Variants in GAB2 observed in about 807,000 individuals in gnomAD.
GAB2 encodes GRB2 associated binding protein 2.
A neutral mutation model predicts 65.5 loss-of-function variants in GAB2; 26 were observed. That is an observed-to-expected ratio of 0.40 (90% CI 0.29 to 0.55). GAB2 has a LOEUF of 0.55. Ranked by LOEUF, GAB2 falls within the 20% of genes least tolerant of loss-of-function variation. The pLI is 0.53. For missense variants in GAB2, 884 were observed against 875.8 expected, an observed-to-expected ratio of 1.01 and a Z score of -0.12; for synonymous variants, 321 against 329.6, an observed-to-expected ratio of 0.97 and a Z score of 0.28.
Position 78,242,375 on chromosome 11 carries a change from A to G in GAB2, c.620+7782T>C, listed in dbSNP as rs188708368. ...AAATTAGCTGGGTGTGGTGGCGGGC[A>G]CCTGTAGTCCCAGCTACACAGGAGG... On this transcript the variant is annotated intron_variant, in intron 3 of 9. Transcript: ENST00000361507. Among the ~76,000 whole-genome samples, 125 of 152,100 alleles carry G rather than the reference A, an allele frequency of 8.2e-4. 2 individuals are homozygous for G. The highest frequency in any genetic ancestry group is 1.5e-3 in the South Asian group (7 of 4,820).
At chr11:78,365,078 T>G (rs1378870828) in intron 1 of GAB2, among the ~76,000 whole-genome samples, 3 of 152,192 alleles carry the variant, frequency 2.0e-5, no homozygotes, top group African/African-American at 7.2e-5. Flanking sequence ...TTAGTGTACC[T>G]GTCACCCCAA....
chr11:78,249,498 T>C (rs564661866), intron 3 of GAB2, among the ~76,000 whole-genome samples: 6 of 152,354 alleles, frequency 3.9e-5, no homozygotes, highest in South Asian at 4.1e-4. Flanking sequence ...CATTTACAGG[T>C]TCTGCACCTG....
In GAB2 at chr11:78,220,410, C is replaced by G. The variant is rs114040408; in HGVS notation, c.1796G>C (p.Gly599Ala). The change falls in exon 9 of 10, where the codon GGC becomes GCC. Residue 599 changes from glycine (G) to alanine (A), a missense_variant. By Grantham distance (60) the Gly-to-Ala change is moderately conservative. Transcript: ENST00000361507. ...CTTCTTAGGGGCAGGACTGTTCGTG[C>G]CACTGGGAACGGGAGATGCAGACAC... ...NPVSASPVPSGTNSPAPKKST... is the reference protein window; with the variant it reads ...NPVSASPVPSATNSPAPKKST... 3.6e-4 allele frequency: 580 copies of G among 1,594,258 alleles called. No individual in the cohort carries two copies. The African/African-American group carries it at 6.9e-3, about 19-fold the overall frequency.
intron 9 of GAB2, among the ~76,000 whole-genome samples, chr11:78,219,811 C>G (rs1864330435): frequency 6.6e-6 from 1 of 152,158 alleles, no homozygotes; most frequent in African/African-American, 2.4e-5. Flanking sequence ...GTGCTGTGCT[C>G]ACTGCCACCC....
chr11:78,411,792 G>A (rs1178137328), intron 1 of GAB2, among the ~76,000 whole-genome samples: 1 of 151,928 alleles, frequency 6.6e-6, no homozygotes, highest in Non-Finnish European at 1.5e-5. Context: ...AGCACTTTGG[G>A]AGGCCAAGGT....
intron 2 of GAB2, among the ~76,000 whole-genome samples, chr11:78,261,302 A>C (rs1865724644): frequency 6.6e-6 from 1 of 152,124 alleles, no homozygotes; most frequent in Non-Finnish European, 1.5e-5. Context: ...AAACCAAAAC[A>C]AAAACCAGAA....
intron 3 of GAB2, among the ~76,000 whole-genome samples, chr11:78,240,131 A>G (rs1265644392): frequency 1.3e-5 from 2 of 152,148 alleles, no homozygotes; most frequent in Non-Finnish European, 2.9e-5. Flanking sequence ...TGCTCAGAAC[A>G]GTCATGCCTC....
intron 1 of GAB2, among the ~76,000 whole-genome samples, chr11:78,345,576 A>C (rs1856167102): frequency 6.6e-6 from 1 of 152,226 alleles, no homozygotes; most frequent in Admixed American, 6.5e-5. Context: ...GGCTACCTGA[A>C]TAATTTAGGG....
chr11:78,370,214 G>A (rs536500546), intron 1 of GAB2, among the ~76,000 whole-genome samples: 3 of 141,912 alleles, frequency 2.1e-5, no homozygotes, highest in South Asian at 4.4e-4. Flanking sequence ...CTGAGATCCC[G>A]CCACTGCACT....
rs781193769 is a variant in GAB2 at position 78,226,901 on chromosome 11, G to T, written c.771C>A (p.His257Gln). The change falls in exon 4 of 10, where the codon CAC becomes CAA. Residue 257 changes from histidine (H) to glutamine (Q), a missense_variant. By Grantham distance (24) the His-to-Gln change is conservative. Transcript: ENST00000361507. ...GFYSLPKPSR[H>Q]NTEFRDSTYD... ...AGGTACTGTCTCTGAATTCTGTATT[G>T]TGCCGGCTCGGCTTGGGAAGGCTAT... The T allele has an allele frequency of 4.3e-6, 7 of 1,613,998 alleles. No homozygotes were observed. The highest frequency in any genetic ancestry group is 5.9e-6 in the Non-Finnish European group (7 of 1,179,982).
chr11:78,341,893 T>C (rs996238286), intron 1 of GAB2: 1 of 985,972 alleles, frequency 1.0e-6, no homozygotes, highest in Non-Finnish European at 1.2e-6. Flanking sequence ...ATCCAAGTTA[T>C]CATCTGAATG....
intron 1 of GAB2, among the ~76,000 whole-genome samples, chr11:78,366,445 G>A (rs551579579): frequency 1.3e-5 from 2 of 152,044 alleles, no homozygotes; most frequent in East Asian, 3.9e-4. Flanking sequence ...AATTAGCCAG[G>A]TACAGTGGTG....
At chr11:78,281,310 A>G (rs1347888528) in intron 1 of GAB2, among the ~76,000 whole-genome samples, 1 of 150,710 alleles carries the variant, frequency 6.6e-6, no homozygotes, top group Non-Finnish European at 1.5e-5. Flanking sequence ...CAATGGCATG[A>G]TCTTGGCTCA....
intron 2 of GAB2, among the ~76,000 whole-genome samples, chr11:78,253,782 C>T (rs1292698782): frequency 1.3e-5 from 2 of 152,144 alleles, no homozygotes; most frequent in African/African-American, 4.8e-5. Flanking sequence ...CAGTGTGTGA[C>T]AAAATTCAAT....
At chr11:78,372,951 G>C (rs953068769) in intron 1 of GAB2, among the ~76,000 whole-genome samples, 1 of 151,982 alleles carries the variant, frequency 6.6e-6, no homozygotes, top group Non-Finnish European at 1.5e-5. Context: ...CAGCCTATTA[G>C]AAAGAAGTAG....
chr11:78,273,233 G>A (rs1297332889), intron 2 of GAB2, among the ~76,000 whole-genome samples: 3 of 152,210 alleles, frequency 2.0e-5, no homozygotes, highest in Admixed American at 2.0e-4. Flanking sequence ...CAGAATGGTA[G>A]ATCCACTGAC....
chr11:78,225,201 A>C lies in GAB2; in HGVS notation c.1209T>G (p.Ala403=), dbSNP rs1357828196. ...PAMDNSRLHR[A]SSCETYEYPQ... ...GGTACTCGTAGGTCTCACAGGAAGA[A>C]GCTGACAGAGGAAGGAGGATTCATA... Residue 403 remains alanine, a splice_region_variant and synonymous_variant, in exon 5 of 10, where the codon GCT becomes GCG. Coordinates refer to ENST00000361507, the MANE Select transcript of GAB2 (RefSeq NM_080491.3). 6.2e-7 allele frequency: 1 copy of C among 1,600,356 alleles called. No homozygotes were observed. The highest frequency in any genetic ancestry group is 1.3e-5 in the African/African-American group (1 of 74,634).
At chr11:78,311,747 T>G (rs2134645059) in intron 1 of GAB2, among the ~76,000 whole-genome samples, 1 of 152,224 alleles carries the variant, frequency 6.6e-6, no homozygotes, top group African/African-American at 2.4e-5. Flanking sequence ...ATACAATTAG[T>G]TTACCAGAGT....
At chr11:78,221,079 C>T (rs1466775900) in intron 8 of GAB2, among the ~76,000 whole-genome samples, 3 of 152,176 alleles carry the variant, frequency 2.0e-5, no homozygotes, top group Non-Finnish European at 2.9e-5. Flanking sequence ...CATCCAGGCT[C>T]GTGCTCTAGC....
Sources: gnomAD v4.1 joint callset for allele counts (sites outside exome capture counted in the v4.1 genomes callset) on GRCh38, gnomAD v4.1.1 for gene constraint, MANE v1.5 for transcripts, NCBI Gene and HGNC (gene_info 2026-07-23, HGNC 2026-07-21) for gene names.